The following FBXO11 variants were observed in gnomAD, a reference collection of about 807,000 sequenced individuals.
FBXO11 encodes F-box only protein 11.
A neutral mutation model predicts 117.0 loss-of-function variants in FBXO11; 13 were observed. The ratio of observed to expected loss-of-function variants is 0.11; its 90% CI spans 0.07 to 0.18. The LOEUF (loss-of-function observed/expected upper bound fraction) is 0.18, where lower values mean the gene tolerates loss of function less well. FBXO11 is among the 10% of genes least tolerant of loss of function. The pLI, the probability that FBXO11 is intolerant of heterozygous loss-of-function variation, is 1.00. For synonymous variants in FBXO11, 490 were observed against 380.5 expected (o/e 1.29, Z -3.35); for missense variants, 767 against 1,164.4 (o/e 0.66, Z 4.97).
At chr2:47,824,819 G>T (rs1671630513) in intron 11 of FBXO11, among the ~76,000 whole-genome samples, 1 of 152,056 alleles carries the variant, frequency 6.6e-6, no homozygotes, top group Non-Finnish European at 1.5e-5. Context: ...AATGATAATG[G>T]AAGTTACCAT....
intron 1 of FBXO11, among the ~76,000 whole-genome samples, chr2:47,862,982 G>A (rs1386998059): frequency 6.7e-6 from 1 of 149,644 alleles, no homozygotes; most frequent in African/African-American, 2.5e-5. Flanking sequence ...TTGAACCCCG[G>A]AAGTGAAAGT....
chr2:47,843,376 T>C (rs908024008), intron 1 of FBXO11, among the ~76,000 whole-genome samples: 1 of 152,214 alleles, frequency 6.6e-6, no homozygotes, highest in African/African-American at 2.4e-5. Flanking sequence ...TGGTGGTTTA[T>C]TCATTGGCTT....
At position 47,902,725 on chromosome 2, in the gene FBXO11, T is replaced by C. The variant is rs150655625; in HGVS notation, c.232+2764A>G. ...AAAACATATTATACTGTAACTATTTTATTACCACTAAAGAACCTGAAATGC... is the reference window on the plus strand; with the variant it reads ...AAAACATATTATACTGTAACTATTTCATTACCACTAAAGAACCTGAAATGC... On this transcript the variant is annotated intron_variant, in intron 1 of 22. Transcript: ENST00000403359. Among the ~76,000 whole-genome samples, 680 of 152,272 alleles carry C rather than the reference T, an allele frequency of 4.5e-3. 2 individuals are homozygous for C. The highest frequency in any genetic ancestry group is 0.016 in the South Asian group (75 of 4,820).
intron 4 of FBXO11, among the ~76,000 whole-genome samples, chr2:47,838,146 T>C (rs1437004546): frequency 2.4e-4 from 36 of 150,824 alleles, no homozygotes; most frequent in Admixed American, 2.3e-3. Flanking sequence ...GGTGGGAGAA[T>C]GGCTTGAGCC....
chr2:47,866,854 C>T (rs1675238652), intron 1 of FBXO11, among the ~76,000 whole-genome samples: 1 of 152,166 alleles, frequency 6.6e-6, no homozygotes, highest in African/African-American at 2.4e-5. Context: ...ACTTTGATAA[C>T]AGCCAGGATT....
intron 1 of FBXO11, among the ~76,000 whole-genome samples, chr2:47,887,545 A>G (rs1371334322): frequency 6.6e-6 from 1 of 151,892 alleles, no homozygotes. Flanking sequence ...CTAGGAGACA[A>G]AACAAGACCC....
At chr2:47,897,108 A>G (rs544306764) in intron 1 of FBXO11, among the ~76,000 whole-genome samples, 27 of 152,352 alleles carry the variant, frequency 1.8e-4, no homozygotes, top group African/African-American at 6.3e-4. Context: ...ATCTCAATAT[A>G]TAACAAGGGA....
At chr2:47,893,147 C>A (rs989059917) in intron 1 of FBXO11, among the ~76,000 whole-genome samples, 1 of 137,174 alleles carries the variant, frequency 7.3e-6, no homozygotes, top group Non-Finnish European at 1.7e-5. Flanking sequence ...CAGTGATACT[C>A]TGTCTCAAAA....
At chr2:47,892,200 C>T (rs1677305272) in intron 1 of FBXO11, among the ~76,000 whole-genome samples, 1 of 152,134 alleles carries the variant, frequency 6.6e-6, no homozygotes, top group South Asian at 2.1e-4. Flanking sequence ...AAGACAATGT[C>T]ACAAAGCCTC....
chr2:47,878,617 C>A (rs1198453883), intron 1 of FBXO11, among the ~76,000 whole-genome samples: 1 of 152,030 alleles, frequency 6.6e-6, no homozygotes, highest in Non-Finnish European at 1.5e-5. Flanking sequence ...CCACCTCGGC[C>A]TCCCAAAGTG....
intron 1 of FBXO11, among the ~76,000 whole-genome samples, chr2:47,900,494 C>G (rs930127913): frequency 2.0e-5 from 3 of 151,588 alleles, no homozygotes; most frequent in African/African-American, 7.3e-5. Context: ...CTCCTGGCTG[C>G]TGCATATTAT....
chr2:47,852,566 C>G (rs770151580), intron 1 of FBXO11, among the ~76,000 whole-genome samples: 2 of 152,102 alleles, frequency 1.3e-5, no homozygotes, highest in Non-Finnish European at 2.9e-5. Context: ...ATTTTTAAGT[C>G]AATGGACTCT....
chr2:47,828,290 T>G (rs557676134), intron 11 of FBXO11, among the ~76,000 whole-genome samples: 10 of 152,348 alleles, frequency 6.6e-5, no homozygotes, highest in Admixed American at 1.3e-4. Flanking sequence ...CTCTGCTTTG[T>G]CTTTTAATGC....
At chr2:47,889,395 T>C (rs1048379552) in intron 1 of FBXO11, among the ~76,000 whole-genome samples, 2 of 152,180 alleles carry the variant, frequency 1.3e-5, no homozygotes, top group Admixed American at 6.5e-5. Flanking sequence ...CAAAATTTAG[T>C]TGATCTCTTT....
At chr2:47,860,843 A>ATT (rs34675496) in intron 1 of FBXO11, among the ~76,000 whole-genome samples, 2 of 104,218 alleles carry the variant, frequency 1.9e-5, no homozygotes, top group Non-Finnish European at 3.7e-5. Context: ...GTTTTCCCCT[A>ATT]TTTTTTTTTT....
intron 1 of FBXO11, among the ~76,000 whole-genome samples, chr2:47,902,241 T>C (rs1045733245): frequency 6.6e-6 from 1 of 152,218 alleles, no homozygotes; most frequent in Non-Finnish European, 1.5e-5. Flanking sequence ...GCCTGTAAAA[T>C]ACAATTCTAC....
chr2:47,860,340 C>T (rs912080758), intron 1 of FBXO11, among the ~76,000 whole-genome samples: 1 of 151,824 alleles, frequency 6.6e-6, no homozygotes, highest in African/African-American at 2.4e-5. Flanking sequence ...ACATGGCTAG[C>T]TAATAAATTT....
rs1678745852 is a variant in FBXO11 at position 47,905,617 on chromosome 2, G to GGCT, written c.101_103dup (p.Gln34dup). On this transcript the variant is annotated inframe_insertion, in exon 1 of 23. Coordinates refer to ENST00000403359, the MANE Select transcript of FBXO11 (RefSeq NM_001190274.2). ...CTGCTGGGGCGGCTGCTGCTGGGGC[G>GGCT]GCTGCGGCGGCGGCTGCTGCGGGGG... 2 of 1,367,236 alleles carry GGCT rather than the reference G, an allele frequency of 1.5e-6. No homozygotes were observed. The highest frequency in any genetic ancestry group is 1.9e-6 in the Non-Finnish European group (2 of 1,057,108). The allele number at this position is 1,367,236 out of a possible 1,614,324, so 84.7% of individuals were successfully genotyped here. A position where few individuals can be genotyped will look rare whatever the true frequency, so the allele number is the denominator to read the frequency against.
Position 47,828,543 on chromosome 2 carries a change from A to C in FBXO11, c.1398+3806T>G, listed in dbSNP as rs527867806. On this transcript the variant is annotated intron_variant, in intron 11 of 22. Transcript: ENST00000403359. The stretch of plus-strand genomic sequence containing the variant: ...GAATTGCTTGAAGCCTGGAAGGTGG[A>C]GGTTGCAGTGAGCCGCGATTGCACC... 4.0e-5 allele frequency among the ~76,000 whole-genome samples: 6 copies of C among 150,916 alleles called. No individual in the cohort carries two copies. In the East Asian group the frequency reaches 1.2e-3, roughly 30 times the overall value.
Sources: allele counts gnomAD v4.1 joint callset (sites outside exome capture counted in the v4.1 genomes callset), GRCh38; gene constraint gnomAD v4.1.1; transcripts MANE v1.5; gene names NCBI Gene and HGNC (gene_info 2026-07-23, HGNC 2026-07-21).